CENPE: variants seen among roughly 807,000 people sequenced by gnomAD.
The protein encoded by CENPE is centromere protein E.
In CENPE, 145 loss-of-function variants were observed where a neutral mutation model predicts 336.1. That is an observed-to-expected ratio of 0.43 (90% CI 0.38 to 0.50). The LOEUF (loss-of-function observed/expected upper bound fraction) is 0.50, where lower values mean the gene tolerates loss of function less well. CENPE is among the 20% of genes least tolerant of loss of function. The pLI, the probability that CENPE is intolerant of heterozygous loss-of-function variation, is 0.00. For synonymous variants in CENPE, 1,013 were observed against 984.8 expected, an observed-to-expected ratio of 1.03 and a Z score of -0.54; for missense variants, 2,719 against 3,023.3, an observed-to-expected ratio of 0.90 and a Z score of 2.36.
chr4:103,141,079 T>C lies in CENPE; in HGVS notation c.5489A>G (p.His1830Arg), dbSNP rs1560620059. ...ATCTTTTTTTAACGTAATAAGTTGA[T>C]GTTCATTTGCCTTAAGTTCTTGAAT... ...EKIQELKANEHQLITLKKDVN... is the reference protein window; with the variant it reads ...EKIQELKANERQLITLKKDVN... The change falls in exon 36 of 49, where the codon CAT (histidine) becomes CGT (arginine). Residue 1830 changes from histidine to arginine, a missense_variant. Physicochemically the swap from His to Arg is conservative, Grantham distance 29 (BLOSUM62 0). Coordinates refer to ENST00000265148, the MANE Select transcript of CENPE (RefSeq NM_001813.3). 3.2e-6 allele frequency: 5 copies of C among 1,574,226 alleles called. No homozygotes were observed. The highest frequency in any genetic ancestry group is 4.3e-6 in the Non-Finnish European group (5 of 1,158,954).
intron 24 of CENPE, among the ~76,000 whole-genome samples, chr4:103,155,408 T>G (rs529386973): frequency 2.7e-4 from 41 of 152,110 alleles, no homozygotes; most frequent in Non-Finnish European, 5.1e-4. Context: ...CTTCCTGGGC[T>G]CAGGTGATCC....
intron 10 of CENPE, 32 bp downstream of exon 10, chr4:103,183,169 C>A: frequency 6.8e-7 from 1 of 1,472,306 alleles, no homozygotes; most frequent in Non-Finnish European, 9.4e-7. Context: ...ATATAAGAAT[C>A]AGTAGGTAAG....
Position 103,153,172 on chromosome 4 carries a change from T to C in CENPE, c.3112A>G (p.Ile1038Val). Residue 1038 changes from isoleucine (I) to valine (V), a missense_variant, in exon 25 of 49, where the codon ATA becomes GTA. Physicochemically the swap from Ile to Val is conservative, Grantham distance 29. Coordinates refer to ENST00000265148, the MANE Select transcript of CENPE (RefSeq NM_001813.3). Reference protein sequence around the residue: ...TLTADVKDNEIIEQQRKIFSL... With the variant: ...TLTADVKDNEVIEQQRKIFSL... The stretch of plus-strand genomic sequence containing the variant: ...AATATCTTCCTTTGTTGCTCAATTA[T>C]CTCATTATCCTTAACATCTGCAGTT... 1 of 1,613,088 alleles carries C rather than the reference T, an allele frequency of 6.2e-7. No individual in the cohort carries two copies. Among genetic ancestry groups the C allele is most frequent in the Non-Finnish European group, 8.5e-7 (1 of 1,179,498 alleles).
chr4:103,198,338 T>A lies in CENPE; in HGVS notation c.-19A>T, dbSNP rs1185580136. On this transcript the variant is annotated 5_prime_UTR_variant, in exon 1 of 49. Transcript: ENST00000265148. ...CCGCCATCCTATCAGGCTGAACTGG[T>A]CCCAGGAAAATGGCCAGGACCCTCC... 3 of 1,550,692 alleles carry A rather than the reference T, an allele frequency of 1.9e-6. No homozygotes were observed. The South Asian group carries it at 3.6e-5, about 18-fold the overall frequency.
intron 8 of CENPE, among the ~76,000 whole-genome samples, chr4:103,191,701 G>A (rs1237516030): frequency 2.0e-5 from 3 of 151,590 alleles, no homozygotes; most frequent in African/African-American, 7.3e-5. Flanking sequence ...TGTAAATGAC[G>A]AGTTAATGGG....
chr4:103,147,450 A>G lies in CENPE; in HGVS notation c.4040T>C (p.Leu1347Pro). Residue 1347 changes from leucine to proline, a missense_variant, in exon 29 of 49, where the codon CTA (leucine) becomes CCA (proline). Physicochemically the swap from Leu to Pro is moderately conservative, Grantham distance 98. Coordinates refer to ENST00000265148, the MANE Select transcript of CENPE (RefSeq NM_001813.3). ...FQESQEEIKS[L>P]TKERDNLKTI... ...TTTAAGGTTGTCTCTTTCCTTGGTT[A>G]GAGATTTTATCTCTTCCTGACTTTC... 6.2e-7 allele frequency: 1 copy of G among 1,613,984 alleles called. No homozygotes were observed. Among genetic ancestry groups the G allele is most frequent in the Non-Finnish European group, 8.5e-7 (1 of 1,179,926 alleles).
intron 1 of CENPE, among the ~76,000 whole-genome samples, chr4:103,197,613 C>T (rs1300040430): frequency 6.6e-6 from 1 of 152,212 alleles, no homozygotes; most frequent in Non-Finnish European, 1.5e-5. Flanking sequence ...CATTTCGGGT[C>T]GAGGGCCAGA....
intron 13 of CENPE, 105 bp from the exon 14 acceptor site, chr4:103,177,151 CTTA>C (rs1755940382): frequency 1.1e-6 from 1 of 898,336 alleles, no homozygotes; most frequent in African/African-American, 1.7e-5. Context: ...TGGTAGAATT[CTTA>C]TTAAGCCTAG....
chr4:103,132,960 T>TATATA (rs1751723895), intron 41 of CENPE, 64 bp from the exon 42 acceptor site: 1 of 144,300 alleles, frequency 6.9e-6, no homozygotes, highest in African/African-American at 3.6e-5. Context: ...AATATTTTAT[T>TATATA]TATATATATA....
At chr4:103,169,395 G>A (rs541045209) in intron 16 of CENPE, among the ~76,000 whole-genome samples, 1 of 152,194 alleles carries the variant, frequency 6.6e-6, no homozygotes, top group South Asian at 2.1e-4. Flanking sequence ...CAAACCTGAA[G>A]AAAGCAATAC....
chr4:103,120,394 T>C, intron 43 of CENPE, 61 bp from the exon 44 acceptor site: 1 of 1,378,292 alleles, frequency 7.3e-7, no homozygotes, highest in Non-Finnish European at 1.0e-6. Context: ...AGTATAGAAA[T>C]TTGAGACAGA....
Position 103,145,090 on chromosome 4 carries a change from C to T in CENPE, c.4817G>A (p.Arg1606Lys). Residue 1606 changes from arginine (R) to lysine (K), a missense_variant, in exon 32 of 49, where the codon AGA (arginine) becomes AAA (lysine). Arg to Lys is a conservative substitution (Grantham distance 26). Transcript: ENST00000265148. The stretch of plus-strand genomic sequence containing the variant: ...TTTAGTGTTTTCTTTCAGTTGGTCT[C>T]TCTCTATCTGAAGGGCCTCCTGTAC... ...KRVQEALQIE[R>K]DQLKENTKEI... The T allele has an allele frequency of 6.3e-7, 1 of 1,574,940 alleles. No homozygotes were observed. Among genetic ancestry groups the T allele is most frequent in the Middle Eastern group, 1.7e-4 (1 of 5,858 alleles).
intron 13 of CENPE, among the ~76,000 whole-genome samples, chr4:103,178,931 T>G (rs994067289): frequency 6.6e-6 from 1 of 152,196 alleles, no homozygotes; most frequent in Non-Finnish European, 1.5e-5. Flanking sequence ...AATGCCCAAA[T>G]TGATATTTAT....
intron 46 of CENPE, among the ~76,000 whole-genome samples, chr4:103,112,382 T>A (rs1039105032): frequency 2.1e-4 from 31 of 146,942 alleles, no homozygotes; most frequent in Non-Finnish European, 4.0e-4. Flanking sequence ...CATATATACA[T>A]GTGCACGCAC....
chr4:103,169,641 C>T (rs992212916), intron 16 of CENPE, among the ~76,000 whole-genome samples: 1 of 151,946 alleles, frequency 6.6e-6, no homozygotes, highest in Non-Finnish European at 1.5e-5. Context: ...GAAACAGATG[C>T]TGGAGAGGAT....
intron 21 of CENPE, among the ~76,000 whole-genome samples, chr4:103,159,670 T>G (rs1210276402): frequency 6.6e-6 from 1 of 151,882 alleles, no homozygotes; most frequent in East Asian, 1.9e-4. Context: ...ATTTGACATT[T>G]TTTTCCCTAA....
chr4:103,194,238 T>A lies in CENPE; in HGVS notation c.684A>T (p.Val228=). ...GTTCATTAATACTCACCAAATGGGA[T>A]ACCTTAACAGATCCTTCACAATTAG... is the stretch of plus-strand genomic sequence containing the variant. ...EPSNCEGSVK[V]SHLNLVDLAG... is the part of the protein sequence containing the mutation. Residue 228 remains valine, a synonymous_variant, in exon 8 of 49, where the codon GTA becomes GTT. Transcript: ENST00000265148. 1.9e-6 allele frequency: 3 copies of A among 1,612,026 alleles called. No homozygotes were observed. The highest frequency in any genetic ancestry group is 2.5e-6 in the Non-Finnish European group (3 of 1,178,704).
chr4:103,189,765 C>G (rs1757133352), intron 8 of CENPE, among the ~76,000 whole-genome samples: 1 of 152,124 alleles, frequency 6.6e-6, no homozygotes, highest in South Asian at 2.1e-4. Context: ...CACTCCTATT[C>G]AACATAGTGT....
intron 16 of CENPE, among the ~76,000 whole-genome samples, chr4:103,169,266 A>T (rs1311438393): frequency 6.6e-6 from 1 of 152,044 alleles, no homozygotes; most frequent in Non-Finnish European, 1.5e-5. Context: ...AAAAAGGATG[A>T]AAAGGAATGA....
Sources: allele counts gnomAD v4.1 joint callset (sites outside exome capture counted in the v4.1 genomes callset), GRCh38; gene constraint gnomAD v4.1.1; transcripts MANE v1.5; gene names NCBI Gene and HGNC (gene_info 2026-07-23, HGNC 2026-07-21).